LIAS: variants seen among roughly 807,000 people sequenced by gnomAD.
LIAS encodes the protein lipoic acid synthetase.
A neutral mutation model predicts 49.4 loss-of-function variants in LIAS; 36 were observed. That is an observed-to-expected ratio of 0.73 (90% CI 0.56 to 0.96). The LOEUF is 0.96. LIAS is among the 40% of genes least tolerant of loss of function. The pLI, the probability that LIAS is intolerant of heterozygous loss-of-function variation, is 0.00. For missense variants in LIAS, 399 were observed against 456.3 expected (o/e 0.87, Z 1.14); for synonymous variants, 145 against 155.8 (o/e 0.93, Z 0.52).
Position 39,470,038 on chromosome 4 carries a change from G to C in LIAS, c.757G>C (p.Ala253Pro), listed in dbSNP as rs961150638. 2 of 1,608,512 alleles carry C rather than the reference G, an allele frequency of 1.2e-6. No individual in the cohort carries two copies. The highest frequency in any genetic ancestry group is 1.7e-6 in the Non-Finnish European group (2 of 1,176,428). The stretch of plus-strand genomic sequence containing the variant: ...TTCCAGTAAGGTTCGTGATCCTCGG[G>C]CCAATTTTGATCAGTCCCTACGTGT... Reference protein sequence around the residue: ...ELQSKVRDPRANFDQSLRVLK... With the variant: ...ELQSKVRDPRPNFDQSLRVLK... The change falls in exon 8 of 11, where the codon GCC becomes CCC. Residue 253 changes from alanine (A) to proline (P), a missense_variant. Coordinates refer to ENST00000640888, the MANE Select transcript of LIAS (RefSeq NM_006859.4).
intron 10 of LIAS, 61 bp downstream of exon 10, chr4:39,473,272 C>A: frequency 1.0e-6 from 1 of 998,692 alleles, no homozygotes; most frequent in Non-Finnish European, 1.6e-6. Flanking sequence ...TTAAGTTCTA[C>A]CACCAGTCAC....
chr4:39,470,669 A>G (rs1744945298), intron 8 of LIAS: 1 of 156,862 alleles, frequency 6.4e-6, no homozygotes, highest in African/African-American at 2.4e-5. Context: ...TAAACTTTGG[A>G]ATTTCAAAGT....
chr4:39,474,292 G>T (rs1009960372), intron 10 of LIAS, among the ~76,000 whole-genome samples: 5 of 150,514 alleles, frequency 3.3e-5, no homozygotes, highest in Non-Finnish European at 4.4e-5. Context: ...GAATAAATAG[G>T]CCAGGCAAGG....
At chr4:39,468,936 A>G (rs1744879183) in intron 7 of LIAS, 1 of 151,938 alleles carries the variant, frequency 6.6e-6, no homozygotes, top group Non-Finnish European at 1.5e-5. Context: ...AGTAGACACT[A>G]TGCTTTCTTA....
chr4:39,467,665 T>C lies in LIAS; in HGVS notation c.737+19T>C. 1 of 1,508,658 alleles carries C rather than the reference T, an allele frequency of 6.6e-7. No homozygotes were observed. Among genetic ancestry groups the C allele is most frequent in the Non-Finnish European group, 8.9e-7 (1 of 1,120,136 alleles). The allele number at this position is 1,508,658 out of a possible 1,614,324, so 93.5% of individuals were successfully genotyped here. The stretch of plus-strand genomic sequence containing the variant: ...TACAGAGGTGAATACGTGTACAAAG[T>C]AATGTTGGGAAGTTAGGCGGGTCAA... On this transcript the variant is annotated intron_variant, in intron 7 of 10. Coordinates refer to ENST00000640888, the MANE Select transcript of LIAS (RefSeq NM_006859.4).
Position 39,465,284 on chromosome 4 carries a change from G to C in LIAS, c.551-1G>C. 14 of 1,612,986 alleles carry C rather than the reference G, an allele frequency of 8.7e-6. No homozygotes were observed. The highest frequency in any genetic ancestry group is 1.2e-5 in the Non-Finnish European group (14 of 1,179,696). ...TGAGCAGTGGATTCTTTTGTTTCTA[G>C]ATATGCCTGATGGGGGAGCTGAACA... On this transcript the variant is annotated splice_acceptor_variant, in intron 5 of 10. Coordinates refer to ENST00000640888, the MANE Select transcript of LIAS (RefSeq NM_006859.4). LOFTEE classifies it high-confidence loss of function.
chr4:39,459,097 T>G lies in LIAS; in HGVS notation c.-21T>G, dbSNP rs1269395619. ...GTTAGCGATCCCTCAACCCCTGCAC[T>G]GCGCTAGTCCTAAAGAGGAAATGTC... On this transcript the variant is annotated 5_prime_UTR_variant, in exon 1 of 11. Coordinates refer to ENST00000640888, the MANE Select transcript of LIAS (RefSeq NM_006859.4). 1 of 1,614,092 alleles carries G rather than the reference T, an allele frequency of 6.2e-7. No homozygotes were observed. Among genetic ancestry groups the G allele is most frequent in the East Asian group, 2.2e-5 (1 of 44,874 alleles).
intron 8 of LIAS, 102 bp downstream of exon 8, chr4:39,470,266 G>A: frequency 1.1e-6 from 1 of 886,432 alleles, no homozygotes; most frequent in Non-Finnish European, 1.6e-6. Context: ...AAAGTATATG[G>A]TTATAGATGG....
In LIAS at chr4:39,459,133, G is replaced by C. The variant is rs769950134; in HGVS notation, c.16G>C (p.Gly6Arg). ...TAAAGAGGAAATGTCTCTACGCTGCGGGGATGCAGCCCGCACCCTGGGGCC... is the reference window on the plus strand; with the variant it reads ...TAAAGAGGAAATGTCTCTACGCTGCCGGGATGCAGCCCGCACCCTGGGGCC... MSLRC[G>R]DAARTLGPRV... Residue 6 changes from glycine to arginine, a missense_variant, in exon 1 of 11, where the codon GGG (glycine) becomes CGG (arginine). Transcript: ENST00000640888. 6.2e-7 allele frequency: 1 copy of C among 1,613,836 alleles called. No homozygotes were observed. The highest frequency in any genetic ancestry group is 1.3e-5 in the African/African-American group (1 of 74,940).
intron 4 of LIAS, among the ~76,000 whole-genome samples, chr4:39,464,459 C>G (rs1284884143): frequency 6.6e-6 from 1 of 152,152 alleles, no homozygotes; most frequent in African/African-American, 2.4e-5. Flanking sequence ...CCTCTGTACC[C>G]CCTAAACTGT....
Position 39,471,251 on chromosome 4 carries a change from A to G in LIAS, c.899A>G (p.Asp300Gly). The change falls in exon 9 of 11, where the codon GAT (aspartate) becomes GGT (glycine). Residue 300 changes from aspartate (D) to glycine (G), a missense_variant. Asp to Gly is a moderately conservative substitution (Grantham distance 94, BLOSUM62 -1). This residue lies in a region of LIAS where 234 missense variants were observed against 292.2 expected (regional missense o/e 0.80). Transcript: ENST00000640888. Reference sequence around the variant, plus strand: ...CTTCCTACAGCACTTCGTGAGGCAGATGTAGACTGCTTGACTTTAGGACAA... The same window carrying G: ...CTTCCTACAGCACTTCGTGAGGCAGGTGTAGACTGCTTGACTTTAGGACAA... The part of the protein sequence containing the change: ...YATMKALREA[D>G]VDCLTLGQYM... 1 of 1,610,806 alleles carries G rather than the reference A, an allele frequency of 6.2e-7. No individual in the cohort carries two copies. The highest frequency in any genetic ancestry group is 1.7e-5 in the Admixed American group (1 of 59,920).
Position 39,471,517 on chromosome 4 carries a change from A to ATTT in LIAS, c.954+236_954+238dup, listed in dbSNP as rs766866733. 0.099 allele frequency among the ~76,000 whole-genome samples: 7,357 copies of ATTT among 74,194 alleles called. 1,318 individuals are homozygous for ATTT. The highest frequency in any genetic ancestry group is 0.11 in the Non-Finnish European group (4,538 of 39,884). The allele number at this position is 74,194 out of a possible 152,430, so 48.7% of individuals were successfully genotyped here. A position where few individuals can be genotyped will look rare whatever the true frequency, so the allele number is the denominator to read the frequency against. On this transcript the variant is annotated intron_variant, in intron 9 of 10. Transcript: ENST00000640888. ...TCCGGCTAAAATATACATATATATA[A>ATTT]TTTTTTTTTTTTTTTTTTTTTTTTT...
At chr4:39,471,810 G>C (rs1009013409) in intron 9 of LIAS, among the ~76,000 whole-genome samples, 1 of 151,946 alleles carries the variant, frequency 6.6e-6, no homozygotes, top group Non-Finnish European at 1.5e-5. Flanking sequence ...TTACAGGCGT[G>C]AGCCACCGCA....
chr4:39,470,202 A>T (rs1374178715), intron 8 of LIAS, 38 bp downstream of exon 8: 1 of 1,569,968 alleles, frequency 6.4e-7, no homozygotes. Context: ...TTCCCATGTA[A>T]TTTGAGTAAT....
chr4:39,473,821 T>C (rs1001703702), intron 10 of LIAS: 1 of 152,326 alleles, frequency 6.6e-6, no homozygotes, highest in African/African-American at 2.4e-5. Context: ...TTGAATTGAT[T>C]TATGAAAAGA....
rs1343507748 is a variant in LIAS at position 39,478,832 on chromosome 4, T to A, written c.*1717T>A. ...TTTCTGCATATCTAAAAGGACACTT[T>A]TAGGTGGCCATGTTGTAAAATATGT... On this transcript the variant is annotated 3_prime_UTR_variant, in exon 11 of 11. Coordinates refer to ENST00000640888, the MANE Select transcript of LIAS (RefSeq NM_006859.4). 6.6e-6 allele frequency: 1 copy of A among 152,246 alleles called. No individual in the cohort carries two copies. Among genetic ancestry groups the A allele is most frequent in the South Asian group, 2.1e-4 (1 of 4,834 alleles). 9.4% of individuals were successfully genotyped at this position (152,246 alleles called of 1,614,324 possible). A position where few individuals can be genotyped will look rare whatever the true frequency, so the allele number is the denominator to read the frequency against.
At position 39,477,422 on chromosome 4, in the gene LIAS, G is replaced by C; in HGVS notation, c.*307G>C. ...TGGGTGCCTGTAATCCCAGCTACTCGGGAGGCTAAGGCAGGAGAATCACTT... is the reference window on the plus strand; with the variant it reads ...TGGGTGCCTGTAATCCCAGCTACTCCGGAGGCTAAGGCAGGAGAATCACTT... On this transcript the variant is annotated 3_prime_UTR_variant, in exon 11 of 11. Transcript: ENST00000640888. The C allele has an allele frequency of 4.1e-6, 1 of 241,740 alleles. No individual in the cohort carries two copies. Among genetic ancestry groups the C allele is most frequent in the Non-Finnish European group, 7.9e-6 (1 of 126,982 alleles). 15.0% of individuals were successfully genotyped at this position (241,740 alleles called of 1,614,324 possible).
intron 4 of LIAS, among the ~76,000 whole-genome samples, chr4:39,464,406 C>T (rs577194326): frequency 6.6e-6 from 1 of 151,950 alleles, no homozygotes; most frequent in South Asian, 2.1e-4. Context: ...CACCCTCATA[C>T]CTCCAGTTTG....
intron 8 of LIAS, 152 bp downstream of exon 8, chr4:39,470,316 A>G: frequency 1.9e-6 from 1 of 529,508 alleles, no homozygotes; most frequent in East Asian, 3.0e-5. Flanking sequence ...GCACCCTCAA[A>G]TCTAAAATAC....
Sources: allele counts gnomAD v4.1 joint callset (sites outside exome capture counted in the v4.1 genomes callset), GRCh38; gene constraint gnomAD v4.1.1; regional missense constraint gnomAD v4.1.1; transcripts MANE v1.5; gene names NCBI Gene and HGNC (gene_info 2026-07-23, HGNC 2026-07-21).